Variants in LCA5 observed in about 807,000 individuals in gnomAD.
The protein encoded by LCA5 is lebercilin.
LCA5 carries 37 observed loss-of-function variants against 53.0 expected under a neutral mutation model. The observed-to-expected ratio is 0.70, with a 90% CI of 0.54 to 0.92. The LOEUF is 0.92. LCA5 is among the 40% of genes least tolerant of loss of function. The probability of loss-of-function intolerance (pLI) is 0.00; values close to 1 mark genes in which losing one functional copy is unlikely to be tolerated. For missense variants in LCA5, 806 were observed against 790.5 expected, an observed-to-expected ratio of 1.02 and a Z score of -0.23; for synonymous variants, 303 against 282.9, an observed-to-expected ratio of 1.07 and a Z score of -0.71.
intron 5 of LCA5, among the ~76,000 whole-genome samples, chr6:79,492,258 ACTCT>A (rs749761503): frequency 6.6e-6 from 1 of 151,886 alleles, no homozygotes; most frequent in Non-Finnish European, 1.5e-5. Flanking sequence ...GCATCATATT[ACTCT>A]CTCTACTTCG....
chr6:79,525,658 A>T (rs1246539612), intron 1 of LCA5, among the ~76,000 whole-genome samples: 1 of 152,254 alleles, frequency 6.6e-6, no homozygotes, highest in Non-Finnish European at 1.5e-5. Context: ...AACAAGAAAA[A>T]GAGGAAATTC....
Position 79,518,730 on chromosome 6 carries a change from A to C in LCA5, c.165T>G (p.Thr55=), listed in dbSNP as rs534076319. The change falls in exon 2 of 8, where the codon ACT becomes ACG. Residue 55 remains threonine (T), a synonymous_variant. Transcript: ENST00000369846. ...SVRRKNPKRQ[T]SDGQVHHQAP... ...CTTGGTGATGTACTTGGCCATCTGA[A>C]GTTTGTCTTTTAGGATTTTTTCTCC... 9.4e-5 allele frequency: 152 copies of C among 1,614,086 alleles called. 4 individuals carry two copies. The South Asian group carries it at 1.6e-3, about 17-fold the overall frequency.
intron 7 of LCA5, 186 bp from the exon 8 acceptor site, chr6:79,488,052 AT>A (rs1392949220): frequency 1.8e-6 from 1 of 558,680 alleles, no homozygotes; most frequent in African/African-American, 1.9e-5. Flanking sequence ...TTTAATACGT[AT>A]TGCATTTAAG....
In LCA5 at chr6:79,492,647, C is replaced by T. The variant is rs748869847; in HGVS notation, c.859G>A (p.Glu287Lys). Residue 287 changes from glutamate (E) to lysine (K), a missense_variant and splice_region_variant, in exon 5 of 8, where the codon GAA (glutamate) becomes AAA (lysine). Physicochemically the swap from Glu to Lys is moderately conservative, Grantham distance 56. Coordinates refer to ENST00000369846, the MANE Select transcript of LCA5 (RefSeq NM_001122769.3). ...EVQRLYHKLK[E>K]KERELDIKNI... ...TTTATATCCAGTTCTCTCTCCTTTTCCTGAAAACAAACGCAATACAATTAA... is the reference window on the plus strand; with the variant it reads ...TTTATATCCAGTTCTCTCTCCTTTTTCTGAAAACAAACGCAATACAATTAA... The T allele has an allele frequency of 6.8e-7, 1 of 1,472,588 alleles. No individual in the cohort carries two copies. The highest frequency in any genetic ancestry group is 9.4e-7 in the Non-Finnish European group (1 of 1,064,120). The allele number at this position is 1,472,588 out of a possible 1,614,324, so 91.2% of individuals were successfully genotyped here.
intron 2 of LCA5, among the ~76,000 whole-genome samples, chr6:79,516,635 T>A (rs957177023): frequency 1.3e-5 from 2 of 151,958 alleles, no homozygotes; most frequent in African/African-American, 4.8e-5. Flanking sequence ...TTCATCTACC[T>A]TTTTATTTTC....
At chr6:79,536,020 AAAG>A (rs1279476946) in intron 1 of LCA5, among the ~76,000 whole-genome samples, 3 of 152,232 alleles carry the variant, frequency 2.0e-5, no homozygotes, top group Non-Finnish European at 4.4e-5. Context: ...GTGACTCACA[AAAG>A]AAGAAAAATC....
intron 7 of LCA5, chr6:79,488,082 A>G: frequency 2.0e-6 from 1 of 511,600 alleles, no homozygotes; most frequent in Non-Finnish European, 3.4e-6. Flanking sequence ...TTATAAAAAA[A>G]TTTGTTCTTT....
rs770919106 is a variant in LCA5, at chr6:79,518,793, G to T, written c.102C>A (p.Gly34=). Residue 34 remains glycine, a synonymous_variant, in exon 2 of 8, where the codon GGC becomes GGA. Coordinates refer to ENST00000369846, the MANE Select transcript of LCA5 (RefSeq NM_001122769.3). ...GTGAAGAACTGACCAGCGATGATCG[G>T]CCAGAAGACTGTGGCGTTTCAAAAT... ...LSDFETPQSS[G]RSSLVSSSPA... is the part of the protein sequence containing the mutation. The T allele has an allele frequency of 6.2e-7, 1 of 1,614,086 alleles. No individual in the cohort carries two copies. The highest frequency in any genetic ancestry group is 8.5e-7 in the Non-Finnish European group (1 of 1,179,998).
chr6:79,508,411 G>A (rs997660680), intron 3 of LCA5, among the ~76,000 whole-genome samples: 8 of 152,102 alleles, frequency 5.3e-5, no homozygotes, highest in Admixed American at 5.2e-4. Context: ...ACAGGCTGAT[G>A]TCCTGGCGAA....
intron 3 of LCA5, among the ~76,000 whole-genome samples, chr6:79,510,800 T>C (rs962132908): frequency 3.9e-4 from 59 of 152,186 alleles, no homozygotes; most frequent in African/African-American, 1.3e-3. Flanking sequence ...AGATGGCACA[T>C]AAGCACATGA....
At position 79,487,365 on chromosome 6, in the gene LCA5, T is replaced by A; in HGVS notation, c.1733A>T (p.Asp578Val). The change falls in exon 8 of 8, where the codon GAT becomes GTT. Residue 578 changes from aspartate to valine, a missense_variant. Physicochemically the swap from Asp to Val is radical, Grantham distance 152. Transcript: ENST00000369846. ...NPFSQKSSFL[D>V]FQRNSMEKLS... Reference sequence around the variant, plus strand: ...TTTTTCCATACTGTTTCTTTGGAAATCCAAAAAACTACTTTTTTGACTAAA... The same window carrying A: ...TTTTTCCATACTGTTTCTTTGGAAAACCAAAAAACTACTTTTTTGACTAAA... 1 of 1,612,612 alleles carries A rather than the reference T, an allele frequency of 6.2e-7. No homozygotes were observed. The highest frequency in any genetic ancestry group is 2.2e-5 in the East Asian group (1 of 44,878).
intron 3 of LCA5, among the ~76,000 whole-genome samples, chr6:79,510,170 C>T (rs995930930): frequency 2.2e-4 from 34 of 152,032 alleles, no homozygotes; most frequent in Admixed American, 2.0e-3. Context: ...CACAGATCAA[C>T]AGAACAGAAT....
At position 79,487,087 on chromosome 6, in the gene LCA5, G is replaced by C. The variant is rs765762174; in HGVS notation, c.2011C>G (p.Arg671Gly). 4 of 1,613,114 alleles carry C rather than the reference G, an allele frequency of 2.5e-6. No individual in the cohort carries two copies. In the East Asian group the frequency reaches 8.9e-5, roughly 36 times the overall value. Residue 671 changes from arginine (R) to glycine (G), a missense_variant, in exon 8 of 8, where the codon CGA (arginine) becomes GGA (glycine). Arg to Gly is a moderately radical substitution (Grantham distance 125, BLOSUM62 -2). Transcript: ENST00000369846. Reference sequence around the variant, plus strand: ...GGTTTATCGTCTGCATGTTTTAATCGGTGCCTATTTGGATTAAAACTTCTT... The same window carrying C: ...GGTTTATCGTCTGCATGTTTTAATCCGTGCCTATTTGGATTAAAACTTCTT... ...EGRSFNPNRH[R>G]LKHADDKPAV...
At chr6:79,493,481 A>T in intron 4 of LCA5, 132 bp downstream of exon 4, 1 of 865,176 alleles carries the variant, frequency 1.2e-6, no homozygotes, top group Admixed American at 2.5e-5. Flanking sequence ...TCTAAGTGCT[A>T]AAGATAATAT....
In LCA5 at chr6:79,487,245, G is replaced by C. The variant is rs774766999; in HGVS notation, c.1853C>G (p.Ser618Cys). The C allele has an allele frequency of 3.1e-6, 5 of 1,613,952 alleles. No individual in the cohort carries two copies. The highest frequency in any genetic ancestry group is 4.2e-6 in the Non-Finnish European group (5 of 1,179,956). ...AGAATTTGGGTCACTGCTTTTGGAG[G>C]AAATGGTGCTGCTACCACTGGCACC... ...LFGASGSSTI[S>C]SKSSDPNSVA... The change falls in exon 8 of 8, where the codon TCC becomes TGC. Residue 618 changes from serine (S) to cysteine (C), a missense_variant. Coordinates refer to ENST00000369846, the MANE Select transcript of LCA5 (RefSeq NM_001122769.3).
chr6:79,519,684 T>A (rs1766563779), intron 1 of LCA5, among the ~76,000 whole-genome samples: 1 of 137,640 alleles, frequency 7.3e-6, no homozygotes, highest in Non-Finnish European at 1.5e-5. Flanking sequence ...GCCACTGAAC[T>A]CCAGCCTGGT....
At chr6:79,491,763 C>T (rs754571716) in intron 5 of LCA5, 33 bp from the exon 6 acceptor site, 88 of 1,587,778 alleles carry the variant, frequency 5.5e-5, no homozygotes, top group Non-Finnish European at 7.3e-5. Context: ...AAAATTATTA[C>T]AATGAATAAT....
At chr6:79,534,638 A>G (rs1767056093) in intron 1 of LCA5, among the ~76,000 whole-genome samples, 2 of 152,160 alleles carry the variant, frequency 1.3e-5, no homozygotes, top group Non-Finnish European at 2.9e-5. Context: ...AGATTAGAGG[A>G]CAGAGGGAGT....
intron 3 of LCA5, among the ~76,000 whole-genome samples, chr6:79,502,268 T>C (rs1371944813): frequency 6.6e-6 from 1 of 152,216 alleles, no homozygotes; most frequent in Non-Finnish European, 1.5e-5. Context: ...TGAGCTCATT[T>C]AAATGAGCTA....
Sources: gnomAD v4.1 joint callset for allele counts (sites outside exome capture counted in the v4.1 genomes callset) on GRCh38, gnomAD v4.1.1 for gene constraint, MANE v1.5 for transcripts, NCBI Gene and HGNC (gene_info 2026-07-23, HGNC 2026-07-21) for gene names.